The following PLCL2 variants were observed in gnomAD, a reference collection of about 807,000 sequenced individuals.
PLCL2 encodes the protein inactive phospholipase C-like protein 2.
Under a neutral mutation model 79.6 loss-of-function variants are expected in PLCL2, and 4 were observed. The ratio of observed to expected loss-of-function variants is 0.05; its 90% confidence interval spans 0.02 to 0.11. PLCL2 has a LOEUF of 0.11. Ranked by LOEUF, PLCL2 falls within the 10% of genes least tolerant of loss-of-function variation. The pLI is 1.00. For missense variants in PLCL2, 895 were observed against 1,291.0 expected (o/e 0.69, Z 4.70); for synonymous variants, 484 against 457.7 (o/e 1.06, Z -0.73).
Position 17,090,365 on chromosome 3 carries a change from A to G in PLCL2, c.*453A>G. On this transcript the variant is annotated 3_prime_UTR_variant, in exon 6 of 6. Coordinates refer to ENST00000615277, the MANE Select transcript of PLCL2 (RefSeq NM_001144382.2). Reference sequence around the variant, plus strand: ...GATGATTTTGGTGGCATGCTTGCTGAGCCATAATTACTAAAGAGAATGTAA... The same window carrying G: ...GATGATTTTGGTGGCATGCTTGCTGGGCCATAATTACTAAAGAGAATGTAA... The G allele has an allele frequency of 3.8e-6, 2 of 532,536 alleles. No homozygotes were observed. Among genetic ancestry groups the G allele is most frequent in the Non-Finnish European group, 4.8e-6 (2 of 416,330 alleles). 33.0% of individuals were successfully genotyped at this position (532,536 alleles called of 1,614,324 possible).
At chr3:16,972,466 T>C (rs948401518) in intron 1 of PLCL2, among the ~76,000 whole-genome samples, 5 of 152,180 alleles carry the variant, frequency 3.3e-5, no homozygotes, top group African/African-American at 7.2e-5. Flanking sequence ...AAGAAGAATG[T>C]ATATTCTGTT....
At chr3:17,084,754 C>G (rs34937985) in intron 5 of PLCL2, among the ~76,000 whole-genome samples, 23,274 of 152,024 alleles carry the variant, frequency 0.15, 2,197 homozygotes, top group Non-Finnish European at 0.2. Flanking sequence ...TCTCAGTGAA[C>G]TAGGAATAGA....
At chr3:17,033,667 T>A (rs1478661464) in intron 3 of PLCL2, among the ~76,000 whole-genome samples, 1 of 152,176 alleles carries the variant, frequency 6.6e-6, no homozygotes, top group African/African-American at 2.4e-5. Flanking sequence ...ACCCTCTACA[T>A]CTTGTGTTAC....
chr3:16,945,337 C>T (rs1177414114), intron 1 of PLCL2, among the ~76,000 whole-genome samples: 1 of 152,098 alleles, frequency 6.6e-6, no homozygotes, highest in African/African-American at 2.4e-5. Context: ...ATATATCTTA[C>T]ATGCCATGTA....
intron 3 of PLCL2, among the ~76,000 whole-genome samples, chr3:17,026,595 A>G (rs2064519576): frequency 6.6e-6 from 1 of 152,132 alleles, no homozygotes; most frequent in South Asian, 2.1e-4. Context: ...TAAATCACTT[A>G]TCTGGGACAG....
chr3:16,987,502 A>G (rs965295916), intron 1 of PLCL2, among the ~76,000 whole-genome samples: 1 of 152,168 alleles, frequency 6.6e-6, no homozygotes, highest in Non-Finnish European at 1.5e-5. Context: ...TATCATCTTT[A>G]CAACATTGTT....
intron 1 of PLCL2, among the ~76,000 whole-genome samples, chr3:16,954,539 C>T (rs574608154): frequency 6.4e-4 from 98 of 152,152 alleles, no homozygotes; most frequent in African/African-American, 2.2e-3. Flanking sequence ...TGGGTATATA[C>T]CCAGTAATGG....
At chr3:16,912,357 G>C (rs1032464353) in intron 1 of PLCL2, among the ~76,000 whole-genome samples, 2 of 152,032 alleles carry the variant, frequency 1.3e-5, no homozygotes, top group African/African-American at 4.8e-5. Flanking sequence ...GTGAATTTTG[G>C]TATTCATGTG....
intron 3 of PLCL2, chr3:17,035,854 G>T (rs2064645265): frequency 2.0e-6 from 1 of 493,170 alleles, no homozygotes; most frequent in Non-Finnish European, 4.0e-6. Context: ...CCTGCAGCGG[G>T]GTCCTGTGTG....
In PLCL2 at chr3:17,014,779, G is replaced by A. The variant is rs61755446; in HGVS notation, c.2886G>A (p.Ala962=). The part of the protein sequence containing the change: ...SVANLMQCML[A]VSPRFLGPDN... ...CCAATCTCATGCAGTGCATGTTGGC[G>A]GTGTCTCCCCGCTTTCTGGGGCCCG... Residue 962 remains alanine (A), a synonymous_variant, in exon 3 of 6, where the codon GCG becomes GCA. Coordinates refer to ENST00000615277, the MANE Select transcript of PLCL2 (RefSeq NM_001144382.2). The A allele has an allele frequency of 7.7e-3, 12,489 of 1,614,058 alleles. 60 individuals carry two copies. Among genetic ancestry groups the A allele is most frequent in the Non-Finnish European group, 9.4e-3 (11,062 of 1,179,954 alleles).
At chr3:16,992,434 G>A (rs551311878) in intron 1 of PLCL2, among the ~76,000 whole-genome samples, 87 of 152,244 alleles carry the variant, frequency 5.7e-4, no homozygotes, top group Admixed American at 1.7e-3. Flanking sequence ...CCACACCTCC[G>A]TTATCACATC....
intron 1 of PLCL2, among the ~76,000 whole-genome samples, chr3:16,959,288 C>T (rs566785233): frequency 2.0e-5 from 3 of 152,244 alleles, no homozygotes; most frequent in East Asian, 1.9e-4. Flanking sequence ...CCTATCTCTG[C>T]GTCTCTCCAA....
At chr3:16,949,151 A>G (rs1183334776) in intron 1 of PLCL2, among the ~76,000 whole-genome samples, 1 of 152,200 alleles carries the variant, frequency 6.6e-6, no homozygotes, top group East Asian at 1.9e-4. Context: ...ATCCTAGTAC[A>G]TGACTCCTTG....
intron 3 of PLCL2, among the ~76,000 whole-genome samples, chr3:17,032,654 A>G (rs1463318586): frequency 2.0e-5 from 3 of 152,188 alleles, no homozygotes; most frequent in Non-Finnish European, 4.4e-5. Flanking sequence ...ACAACTGTAA[A>G]CAGTAGGTCC....
chr3:16,925,645 T>A (rs1427704140), intron 1 of PLCL2, among the ~76,000 whole-genome samples: 2 of 152,246 alleles, frequency 1.3e-5, no homozygotes, highest in Admixed American at 1.3e-4. Context: ...CTTTTCCAAC[T>A]GGCTTCTTTC....
At chr3:16,957,268 G>T (rs959137357) in intron 1 of PLCL2, among the ~76,000 whole-genome samples, 1 of 152,036 alleles carries the variant, frequency 6.6e-6, no homozygotes, top group African/African-American at 2.4e-5. Context: ...CTTTATTTCC[G>T]CCTTCATTTC....
chr3:17,055,227 T>C (rs962851250), intron 4 of PLCL2, among the ~76,000 whole-genome samples: 1 of 152,186 alleles, frequency 6.6e-6, no homozygotes, highest in Admixed American at 6.5e-5. Context: ...ATCTTTTCTC[T>C]TAAAGACTGG....
intron 1 of PLCL2, among the ~76,000 whole-genome samples, chr3:16,944,008 A>T (rs1338368779): frequency 1.3e-5 from 2 of 152,120 alleles, no homozygotes; most frequent in Non-Finnish European, 2.9e-5. Flanking sequence ...TTTCCCTGGG[A>T]GAAGTGGAAT....
At chr3:16,930,460 G>T (rs1188638412) in intron 1 of PLCL2, among the ~76,000 whole-genome samples, 1 of 152,170 alleles carries the variant, frequency 6.6e-6, no homozygotes, top group Non-Finnish European at 1.5e-5. Context: ...TCCAACCAAT[G>T]TATGAATAGG....
Sources: gnomAD v4.1 joint callset for allele counts (sites outside exome capture counted in the v4.1 genomes callset) on GRCh38, gnomAD v4.1.1 for gene constraint, MANE v1.5 for transcripts, NCBI Gene and HGNC (gene_info 2026-07-23, HGNC 2026-07-21) for gene names.